MAGI2: variants seen among roughly 807,000 people sequenced by gnomAD.
MAGI2 encodes membrane-associated guanylate kinase, WW and PDZ domain-containing protein 2.
Under a neutral mutation model 133.3 loss-of-function variants are expected in MAGI2, and 35 were observed. The ratio of observed to expected loss-of-function variants is 0.26; its 90% CI spans 0.20 to 0.35. The LOEUF (loss-of-function observed/expected upper bound fraction) is 0.35. Ranked by LOEUF, MAGI2 falls within the 10% of genes least tolerant of loss-of-function variation. The pLI is 1.00. For synonymous variants in MAGI2, 729 were observed against 710.6 expected (o/e 1.03, Z -0.41); for missense variants, 1,636 against 1,863.4 (o/e 0.88, Z 2.25).
At chr7:79,325,489 T>G (rs1298965177) in intron 1 of MAGI2, among the ~76,000 whole-genome samples, 1 of 152,170 alleles carries the variant, frequency 6.6e-6, no homozygotes, top group Admixed American at 6.6e-5. Flanking sequence ...ACTTTTATGA[T>G]AAAACCAATA....
At chr7:79,367,230 T>C (rs1585724447) in intron 1 of MAGI2, among the ~76,000 whole-genome samples, 1 of 152,254 alleles carries the variant, frequency 6.6e-6, no homozygotes, top group African/African-American at 2.4e-5. Flanking sequence ...AAGAAATGAC[T>C]ATGAATATGT....
intron 6 of MAGI2, among the ~76,000 whole-genome samples, chr7:78,377,217 G>T (rs1212850739): frequency 1.3e-5 from 2 of 152,028 alleles, no homozygotes; most frequent in Non-Finnish European, 2.9e-5. Context: ...ACATTATGAG[G>T]AGAAACAAAA....
At chr7:78,526,257 T>C (rs1037690113) in intron 3 of MAGI2, among the ~76,000 whole-genome samples, 1 of 152,160 alleles carries the variant, frequency 6.6e-6, no homozygotes, top group Non-Finnish European at 1.5e-5. Flanking sequence ...TGAACACAAA[T>C]GCATCAGTTT....
intron 9 of MAGI2, among the ~76,000 whole-genome samples, chr7:78,318,309 G>A (rs1359119907): frequency 6.6e-6 from 1 of 152,176 alleles, no homozygotes; most frequent in Non-Finnish European, 1.5e-5. Context: ...AACACAGCAA[G>A]AGAACTTCAT....
At chr7:79,421,465 A>G (rs1846955595) in intron 1 of MAGI2, among the ~76,000 whole-genome samples, 1 of 151,986 alleles carries the variant, frequency 6.6e-6, no homozygotes, top group Non-Finnish European at 1.5e-5. Flanking sequence ...ATAGCATGAC[A>G]GTTCTATCTT....
At chr7:78,397,213 T>C (rs1583882481) in intron 6 of MAGI2, among the ~76,000 whole-genome samples, 1 of 152,004 alleles carries the variant, frequency 6.6e-6, no homozygotes, top group East Asian at 1.9e-4. Context: ...AGAGGAATGG[T>C]AAACTGCTCT....
At chr7:78,280,632 A>G (rs1795469752) in intron 9 of MAGI2, among the ~76,000 whole-genome samples, 1 of 152,080 alleles carries the variant, frequency 6.6e-6, no homozygotes, top group Non-Finnish European at 1.5e-5. Context: ...ACCAGGTTAG[A>G]AAGATTAGAC....
intron 2 of MAGI2, among the ~76,000 whole-genome samples, chr7:78,671,793 T>C (rs1814421720): frequency 6.6e-6 from 1 of 152,162 alleles, no homozygotes; most frequent in Non-Finnish European, 1.5e-5. Flanking sequence ...CTTTACCAAG[T>C]CTGTGATTAT....
Position 79,391,119 on chromosome 7 carries a change from A to G in MAGI2, c.301+61901T>C, listed in dbSNP as rs115375069. 8.7e-3 allele frequency among the ~76,000 whole-genome samples: 1,324 copies of G among 152,288 alleles called. 12 individuals are homozygous for G. The highest frequency in any genetic ancestry group is 0.03 in the African/African-American group (1,266 of 41,550). On this transcript the variant is annotated intron_variant, in intron 1 of 21. Coordinates refer to ENST00000354212, the MANE Select transcript of MAGI2 (RefSeq NM_012301.4). ...GTTTTTACATAAAGAACTTTGAGAA[A>G]TTTCAGAAGTTGACTTCCTGAGTGA...
intron 2 of MAGI2, among the ~76,000 whole-genome samples, chr7:78,722,746 G>A (rs1820387679): frequency 6.6e-6 from 1 of 151,970 alleles, no homozygotes; most frequent in Non-Finnish European, 1.5e-5. Context: ...ATGATATTAA[G>A]GACAATTAAA....
At chr7:78,627,046 G>C in intron 3 of MAGI2, 74 bp downstream of exon 3, 1 of 1,442,274 alleles carries the variant, frequency 6.9e-7, no homozygotes, top group Non-Finnish European at 9.1e-7. Flanking sequence ...GTAACCTGGT[G>C]TCCCCGTGCA....
chr7:79,189,740 G>T (rs898032426), intron 1 of MAGI2, among the ~76,000 whole-genome samples: 2 of 151,624 alleles, frequency 1.3e-5, no homozygotes, highest in African/African-American at 2.4e-5. Flanking sequence ...ACACAGAGTA[G>T]TTTCACTGCC....
At chr7:78,139,584 C>T (rs961096471) in intron 16 of MAGI2, among the ~76,000 whole-genome samples, 13 of 152,142 alleles carry the variant, frequency 8.5e-5, no homozygotes, top group African/African-American at 2.7e-4. Flanking sequence ...AGGGAACTGC[C>T]GGAGCACAGT....
At chr7:78,739,122 G>C (rs998667323) in intron 2 of MAGI2, among the ~76,000 whole-genome samples, 3 of 152,134 alleles carry the variant, frequency 2.0e-5, no homozygotes, top group Admixed American at 2.0e-4. Flanking sequence ...TTAAAGGCAG[G>C]TGAATGCTTT....
chr7:79,046,687 G>C (rs1812208828), intron 1 of MAGI2, among the ~76,000 whole-genome samples: 1 of 152,142 alleles, frequency 6.6e-6, no homozygotes, highest in Admixed American at 6.5e-5. Context: ...ATCCTCCTCT[G>C]CCCAACTTGC....
intron 1 of MAGI2, among the ~76,000 whole-genome samples, chr7:79,176,803 C>T (rs1031412585): frequency 2.6e-5 from 4 of 151,908 alleles, no homozygotes; most frequent in Admixed American, 6.6e-5. Context: ...ACTGTTGTAT[C>T]AAGCTTTGGG....
intron 1 of MAGI2, among the ~76,000 whole-genome samples, chr7:79,386,379 T>C (rs1013957623): frequency 3.3e-5 from 5 of 152,048 alleles, no homozygotes; most frequent in African/African-American, 1.2e-4. Flanking sequence ...GTTTTAACAG[T>C]TATATATGAA....
chr7:78,044,622 C>T (rs1436585004), intron 21 of MAGI2, among the ~76,000 whole-genome samples: 1 of 151,604 alleles, frequency 6.6e-6, no homozygotes, highest in Non-Finnish European at 1.5e-5. Context: ...GGTAGATGGT[C>T]AGGATACAAT....
intron 2 of MAGI2, among the ~76,000 whole-genome samples, chr7:78,760,768 T>C (rs1374753676): frequency 6.6e-6 from 1 of 152,216 alleles, no homozygotes; most frequent in Non-Finnish European, 1.5e-5. Flanking sequence ...CATAAGGTAT[T>C]CATTAGCTTG....
Sources: allele counts gnomAD v4.1 joint callset (sites outside exome capture counted in the v4.1 genomes callset), GRCh38; gene constraint gnomAD v4.1.1; transcripts MANE v1.5; gene names NCBI Gene and HGNC (gene_info 2026-07-23, HGNC 2026-07-21).